Variants in RANBP2 observed in about 807,000 individuals in gnomAD.
RANBP2 encodes the protein RAN binding protein 2, also known as E3 SUMO-protein ligase RanBP2.
A neutral mutation model predicts 303.6 loss-of-function variants in RANBP2; 57 were observed. That is an observed-to-expected ratio of 0.19 (90% CI 0.15 to 0.23). The LOEUF (loss-of-function observed/expected upper bound fraction) is 0.23, where lower values mean the gene tolerates loss of function less well. Among genes scored for constraint, RANBP2 ranks in the 10% least tolerant of loss-of-function variants. The pLI is 1.00. For missense variants in RANBP2, 3,138 were observed against 3,780.8 expected (o/e 0.83, Z 4.46); for synonymous variants, 1,167 against 1,301.5 (o/e 0.90, Z 2.23).
the RANBP2 span, among the ~76,000 whole-genome samples, chr2:109,332,196 C>T: frequency 6.6e-6 from 1 of 152,176 alleles, no homozygotes; most frequent in Non-Finnish European, 1.5e-5. Flanking sequence ...CCTCTGCAAG[C>T]TGCCTCATGG....
chr2:108,984,265 C>T, the RANBP2 span, among the ~76,000 whole-genome samples: 1 of 152,212 alleles, frequency 6.6e-6, no homozygotes, highest in African/African-American at 2.4e-5. Flanking sequence ...TACTTGGAGA[C>T]CCAGCTCCTT....
At chr2:109,649,145 C>A in the RANBP2 span, among the ~76,000 whole-genome samples, 1 of 152,112 alleles carries the variant, frequency 6.6e-6, no homozygotes, top group Non-Finnish European at 1.5e-5. Context: ...TTATTGCAAA[C>A]TAGGAAATAA....
the RANBP2 span, among the ~76,000 whole-genome samples, chr2:109,083,893 C>G: frequency 2.6e-5 from 4 of 152,164 alleles, no homozygotes; most frequent in African/African-American, 9.7e-5. Context: ...ATACTCTCCC[C>G]TCCTGTGCCC....
chr2:109,614,652 C>G, the RANBP2 span: 1 of 1,473,352 alleles, frequency 6.8e-7, no homozygotes, highest in East Asian at 3.0e-5. Context: ...CGCCCGCGCG[C>G]ACTTCAAGGA....
At chr2:109,613,905 G>A in the RANBP2 span, 4 of 1,228,494 alleles carry the variant, frequency 3.3e-6, no homozygotes, top group Non-Finnish European at 4.1e-6. Context: ...GCGGCGGGAA[G>A]GCCGGAGGGC....
chr2:109,460,351 G>A, the RANBP2 span, among the ~76,000 whole-genome samples: 1 of 152,220 alleles, frequency 6.6e-6, no homozygotes, highest in African/African-American at 2.4e-5. Context: ...CCAGGTGGAT[G>A]CTGACCATCT....
In RANBP2 at chr2:108,781,278, T is replaced by G. The variant is rs747189724; in HGVS notation, c.8609T>G (p.Phe2870Cys). The G allele has an allele frequency of 5.0e-6, 8 of 1,614,136 alleles. No individual in the cohort carries two copies. The highest frequency in any genetic ancestry group is 6.8e-6 in the Non-Finnish European group (8 of 1,180,020). ...CTGATTTATTCATCAGATAAAAATT[T>G]CCAATGGGCAAATACTGGAGCAGCT... is the stretch of plus-strand genomic sequence containing the variant. Reference protein sequence around the residue: ...DFAFGSKDKNFQWANTGAAVF... With the variant: ...DFAFGSKDKNCQWANTGAAVF... Residue 2870 changes from phenylalanine (F) to cysteine (C), a missense_variant, in exon 26 of 29, where the codon TTC becomes TGC. Physicochemically the swap from Phe to Cys is radical, Grantham distance 205. Transcript: ENST00000283195.
At chr2:109,007,718 C>T in the RANBP2 span, among the ~76,000 whole-genome samples, 3 of 152,160 alleles carry the variant, frequency 2.0e-5, no homozygotes, top group Non-Finnish European at 4.4e-5. Flanking sequence ...AAAGATAAAT[C>T]CCTGTTAGTA....
chr2:109,645,066 AGC>A, the RANBP2 span, among the ~76,000 whole-genome samples: 1 of 152,198 alleles, frequency 6.6e-6, no homozygotes, highest in African/African-American at 2.4e-5. Context: ...TTCACAAGCC[AGC>A]GGGATCCTAA....
chr2:108,737,572 G>A (rs972682222), intron 6 of RANBP2, among the ~76,000 whole-genome samples: 1 of 134,910 alleles, frequency 7.4e-6, no homozygotes, highest in Admixed American at 7.7e-5. Flanking sequence ...TTTTTTTTGA[G>A]ACTGAGTCTT....
At chr2:108,930,316 T>C in the RANBP2 span, 13 of 1,604,220 alleles carry the variant, frequency 8.1e-6, no homozygotes, top group African/African-American at 1.3e-5. Context: ...GACCCCAAGG[T>C]TGACATAGGA....
At chr2:109,566,193 T>C in the RANBP2 span, among the ~76,000 whole-genome samples, 43 of 152,276 alleles carry the variant, frequency 2.8e-4, no homozygotes, top group African/African-American at 9.9e-4. Context: ...CGATCTCATC[T>C]CACTGCAGCC....
At chr2:108,897,195 G>T in the RANBP2 span, 11 of 1,613,704 alleles carry the variant, frequency 6.8e-6, no homozygotes, top group Non-Finnish European at 9.3e-6. Context: ...TAGTCTTCTC[G>T]AGGCAATCAA....
At chr2:109,124,911 A>G in the RANBP2 span, among the ~76,000 whole-genome samples, 2 of 152,246 alleles carry the variant, frequency 1.3e-5, no homozygotes, top group Non-Finnish European at 2.9e-5. Flanking sequence ...ATTGTCTCAT[A>G]TAGAGGGGCT....
the RANBP2 span, among the ~76,000 whole-genome samples, chr2:109,519,935 T>C: frequency 3.3e-5 from 5 of 152,204 alleles, no homozygotes; most frequent in African/African-American, 1.2e-4. Flanking sequence ...GACTGAAGCA[T>C]CTGCGTGAGG....
the RANBP2 span, among the ~76,000 whole-genome samples, chr2:109,337,018 T>C: frequency 6.6e-6 from 1 of 152,346 alleles, no homozygotes; most frequent in East Asian, 1.9e-4. Context: ...GCCCAAATCA[T>C]TAGGTATGCT....
the RANBP2 span, among the ~76,000 whole-genome samples, chr2:109,656,648 A>C: frequency 1.3e-5 from 2 of 152,154 alleles, no homozygotes; most frequent in Admixed American, 1.3e-4. Flanking sequence ...CCTTTTTCTT[A>C]AACATTCTAA....
chr2:108,761,816 A>G (rs942439350), intron 18 of RANBP2, among the ~76,000 whole-genome samples: 1 of 152,102 alleles, frequency 6.6e-6, no homozygotes, highest in Non-Finnish European at 1.5e-5. Context: ...AAAAGGCAAC[A>G]GTTACTTTCT....
chr2:109,468,018 GA>G, the RANBP2 span, among the ~76,000 whole-genome samples: 1 of 152,342 alleles, frequency 6.6e-6, no homozygotes, highest in Non-Finnish European at 1.5e-5. Context: ...TTTCAGCCCA[GA>G]AGTGACACAC....
Sources: gnomAD v4.1 joint callset for allele counts (sites outside exome capture counted in the v4.1 genomes callset) on GRCh38, gnomAD v4.1.1 for gene constraint, MANE v1.5 for transcripts, NCBI Gene and HGNC (gene_info 2026-07-23, HGNC 2026-07-21) for gene names.